GALNTL6: variants seen among roughly 807,000 people sequenced by gnomAD.
GALNTL6 encodes polypeptide N-acetylgalactosaminyltransferase like 6.
GALNTL6 carries 46 observed loss-of-function variants against 73.7 expected under a neutral mutation model. The observed-to-expected ratio is 0.62, with a 90% CI of 0.49 to 0.80. GALNTL6 has a LOEUF of 0.80. Among genes scored for constraint, GALNTL6 ranks in the 30% least tolerant of loss-of-function variants. The pLI is 0.00. For synonymous variants in GALNTL6, 259 were observed against 263.7 expected, an observed-to-expected ratio of 0.98 and a Z score of 0.17; for missense variants, 604 against 755.0, an observed-to-expected ratio of 0.80 and a Z score of 2.34.
At chr4:172,171,292 C>A (rs961283335) in intron 2 of GALNTL6, among the ~76,000 whole-genome samples, 8 of 151,862 alleles carry the variant, frequency 5.3e-5, no homozygotes, top group African/African-American at 1.9e-4. Context: ...CCTATAATAT[C>A]CTAAAAAGAA....
intron 5 of GALNTL6, among the ~76,000 whole-genome samples, chr4:172,726,199 C>T (rs775091767): frequency 2.0e-5 from 3 of 152,160 alleles, no homozygotes; most frequent in South Asian, 2.1e-4. Context: ...GCGAGGCTCT[C>T]GCCATTTATT....
At chr4:172,705,220 T>G (rs1407147362) in intron 5 of GALNTL6, among the ~76,000 whole-genome samples, 1 of 150,904 alleles carries the variant, frequency 6.6e-6, no homozygotes, top group East Asian at 1.9e-4. Flanking sequence ...GCTATTTTTT[T>G]TTTGTTTTAT....
At chr4:172,333,966 T>C (rs1741222448) in intron 4 of GALNTL6, among the ~76,000 whole-genome samples, 1 of 152,242 alleles carries the variant, frequency 6.6e-6, no homozygotes, top group South Asian at 2.1e-4. Context: ...ATGTAAGTTC[T>C]TGTCAACTTT....
intron 5 of GALNTL6, among the ~76,000 whole-genome samples, chr4:172,635,619 A>G (rs1739634912): frequency 6.6e-6 from 1 of 152,082 alleles, no homozygotes; most frequent in African/African-American, 2.4e-5. Flanking sequence ...TGGCTCTATT[A>G]TTTTTCTGCG....
intron 2 of GALNTL6, among the ~76,000 whole-genome samples, chr4:172,182,442 TCAGA>T (rs1735277184): frequency 6.6e-6 from 1 of 151,504 alleles, no homozygotes; most frequent in Admixed American, 6.6e-5. Flanking sequence ...TTGGTACATT[TCAGA>T]CAGAGACTAA....
chr4:172,327,730 A>G (rs1459216696), intron 4 of GALNTL6, among the ~76,000 whole-genome samples: 1 of 151,190 alleles, frequency 6.6e-6, no homozygotes, highest in East Asian at 1.9e-4. Flanking sequence ...TTTTTTCCCC[A>G]TTTTATTTTC....
At chr4:172,057,701 CAAAAAAAAAAA>C (rs57041409) in intron 2 of GALNTL6, among the ~76,000 whole-genome samples, 1,266 of 62,938 alleles carry the variant, frequency 0.02, 31 homozygotes, top group African/African-American at 0.06. Flanking sequence ...GACCCTGTCT[CAAAAAAAAAAA>C]AAAAAAAAAA....
At chr4:172,364,367 G>C (rs1241082701) in intron 5 of GALNTL6, among the ~76,000 whole-genome samples, 1 of 152,128 alleles carries the variant, frequency 6.6e-6, no homozygotes, top group South Asian at 2.1e-4. Flanking sequence ...ACAGTGAGCT[G>C]TGATTGCATC....
At position 172,199,492 on chromosome 4, in the gene GALNTL6, A is replaced by G. The variant is rs74827877; in HGVS notation, c.139-30164A>G. On this transcript the variant is annotated intron_variant, in intron 2 of 12. Transcript: ENST00000506823. ...TAATTCTCTCACCATTTGACTTGTA[A>G]TTAGTGTAAAATAATCTGTCTTTCC... Among the ~76,000 whole-genome samples, 472 of 152,316 alleles carry G rather than the reference A, an allele frequency of 3.1e-3. 4 individuals are homozygous for G. Among genetic ancestry groups the G allele is most frequent in the Non-Finnish European group, 4.5e-3 (304 of 68,022 alleles).
intron 2 of GALNTL6, among the ~76,000 whole-genome samples, chr4:172,024,717 T>G (rs1449184752): frequency 6.6e-6 from 1 of 151,982 alleles, no homozygotes; most frequent in Non-Finnish European, 1.5e-5. Context: ...TATCCAGAAG[T>G]AGGCTGTAGT....
chr4:172,685,405 G>T (rs533412935), intron 5 of GALNTL6, among the ~76,000 whole-genome samples: 1 of 152,228 alleles, frequency 6.6e-6, no homozygotes, highest in Non-Finnish European at 1.5e-5. Flanking sequence ...TATAGAAAAT[G>T]TATCCCCTTT....
In GALNTL6 at chr4:173,040,204, G is replaced by A. The variant is rs1753849333; in HGVS notation, c.*104G>A. The A allele has an allele frequency of 2.3e-6, 2 of 868,502 alleles. No individual in the cohort carries two copies. The highest frequency in any genetic ancestry group is 3.5e-5 in the African/African-American group (2 of 56,966). 53.8% of individuals were successfully genotyped at this position (868,502 alleles called of 1,614,324 possible). A position where few individuals can be genotyped will look rare whatever the true frequency, so the allele number is the denominator to read the frequency against. On this transcript the variant is annotated 3_prime_UTR_variant, in exon 13 of 13. Transcript: ENST00000506823. ...GAATAACATTTCCTCGATCCAGGAA[G>A]GCTGGTTTAAAAATTTGCAAATGCC...
intron 2 of GALNTL6, among the ~76,000 whole-genome samples, chr4:171,940,864 T>TAAATAAATAAATAAATAAAA (rs35996530): frequency 7.0e-5 from 10 of 142,288 alleles, no homozygotes; most frequent in Admixed American, 1.4e-4. Flanking sequence ...AATAAATAAA[T>TAAATAAATAAATAAATAAAA]ATATAAGTCA....
intron 5 of GALNTL6, among the ~76,000 whole-genome samples, chr4:172,776,012 C>T (rs1739052518): frequency 6.6e-6 from 1 of 152,020 alleles, no homozygotes; most frequent in South Asian, 2.1e-4. Flanking sequence ...CCCAACTAAC[C>T]CTCTAGATGA....
At chr4:172,160,163 A>AGTGTGT (rs1056769584) in intron 2 of GALNTL6, among the ~76,000 whole-genome samples, 1 of 151,724 alleles carries the variant, frequency 6.6e-6, no homozygotes, top group Admixed American at 6.6e-5. Context: ...TATAAATATA[A>AGTGTGT]GTGTGTGTGC....
chr4:172,753,510 AG>A (rs1737554943), intron 5 of GALNTL6, among the ~76,000 whole-genome samples: 1 of 152,212 alleles, frequency 6.6e-6, no homozygotes, highest in Non-Finnish European at 1.5e-5. Flanking sequence ...TTGACGAAAA[AG>A]TCTTAGGCTT....
At chr4:172,456,621 A>G (rs576858463) in intron 5 of GALNTL6, among the ~76,000 whole-genome samples, 1 of 151,956 alleles carries the variant, frequency 6.6e-6, no homozygotes, top group Non-Finnish European at 1.5e-5. Flanking sequence ...GATCAGCTCA[A>G]TGAAATAAAG....
chr4:172,850,243 A>C (rs771485198), intron 7 of GALNTL6, among the ~76,000 whole-genome samples: 1 of 152,198 alleles, frequency 6.6e-6, no homozygotes, highest in Non-Finnish European at 1.5e-5. Flanking sequence ...TTGGTCTTTC[A>C]GTATTATCTT....
At chr4:171,894,341 G>A (rs978772521) in intron 2 of GALNTL6, among the ~76,000 whole-genome samples, 7 of 152,072 alleles carry the variant, frequency 4.6e-5, no homozygotes, top group Non-Finnish European at 1.0e-4. Flanking sequence ...GTGGGAATAA[G>A]GTGAGGGATA....
Sources: allele counts gnomAD v4.1 joint callset (sites outside exome capture counted in the v4.1 genomes callset), GRCh38; gene constraint gnomAD v4.1.1; transcripts MANE v1.5; gene names NCBI Gene and HGNC (gene_info 2026-07-23, HGNC 2026-07-21).